The following GABRG3 variants were observed in gnomAD, a reference collection of about 807,000 sequenced individuals.
GABRG3 encodes the protein gamma-aminobutyric acid receptor subunit gamma-3.
GABRG3 carries 25 observed loss-of-function variants against 48.8 expected under a neutral mutation model. The ratio of observed to expected loss-of-function variants is 0.51; its 90% CI spans 0.37 to 0.72. The LOEUF (loss-of-function observed/expected upper bound fraction) is 0.72. Ranked by LOEUF, GABRG3 falls within the 30% of genes least tolerant of loss-of-function variation. The pLI is 0.00. For missense variants in GABRG3, 394 were observed against 577.9 expected (o/e 0.68, Z 3.26); for synonymous variants, 227 against 217.6 (o/e 1.04, Z -0.38).
rs76555223 is a variant in GABRG3, at chr15:27,218,996, C to G, written c.271-107813C>G. ...CTCTCCCTGATGACCCTGGCCATAC[C>G]GGGGTCTGGGAGGGCAAGCATTCTC... On this transcript the variant is annotated intron_variant, in intron 3 of 9. Transcript: ENST00000615808. Among the ~76,000 whole-genome samples, 8 of 152,214 alleles carry G rather than the reference C, an allele frequency of 5.3e-5. No individual in the cohort carries two copies. The East Asian group carries it at 1.4e-3, about 26-fold the overall frequency.
chr15:27,318,616 C>T (rs1187200772), intron 3 of GABRG3, among the ~76,000 whole-genome samples: 1 of 152,188 alleles, frequency 6.6e-6, no homozygotes, highest in East Asian at 1.9e-4. Flanking sequence ...GGTTTCGAAC[C>T]AGTGCATTTA....
At chr15:26,993,701 A>G (rs565404904) in intron 2 of GABRG3, among the ~76,000 whole-genome samples, 1 of 152,120 alleles carries the variant, frequency 6.6e-6, no homozygotes, top group South Asian at 2.1e-4. Flanking sequence ...TGTTCTGTGA[A>G]TATCTATCAG....
chr15:27,024,294 A>G (rs181887019), intron 2 of GABRG3, among the ~76,000 whole-genome samples: 1 of 152,266 alleles, frequency 6.6e-6, no homozygotes, highest in African/African-American at 2.4e-5. Context: ...TATGCACAGA[A>G]GTTTTAAATT....
chr15:27,378,415 G>T (rs1895666297), intron 5 of GABRG3, among the ~76,000 whole-genome samples: 1 of 152,072 alleles, frequency 6.6e-6, no homozygotes, highest in Non-Finnish European at 1.5e-5. Flanking sequence ...AGATAATCAG[G>T]ACTTTTGATA....
chr15:27,311,441 C>T (rs1423831979), intron 3 of GABRG3, among the ~76,000 whole-genome samples: 1 of 152,098 alleles, frequency 6.6e-6, no homozygotes. Flanking sequence ...TAGCCTGTCT[C>T]AGAGTGCTGA....
At chr15:26,989,481 T>G (rs2140645637) in intron 2 of GABRG3, among the ~76,000 whole-genome samples, 1 of 152,300 alleles carries the variant, frequency 6.6e-6, no homozygotes, top group Non-Finnish European at 1.5e-5. Context: ...TTTATTCAAC[T>G]TTTTTATTGT....
intron 3 of GABRG3, among the ~76,000 whole-genome samples, chr15:27,083,174 GT>G (rs1897019174): frequency 6.6e-6 from 1 of 152,152 alleles, no homozygotes; most frequent in African/African-American, 2.4e-5. Flanking sequence ...AATAGAGGCA[GT>G]TTTTATGACT....
chr15:27,442,719 G>A (rs376322826), intron 5 of GABRG3, among the ~76,000 whole-genome samples: 94 of 152,208 alleles, frequency 6.2e-4, no homozygotes, highest in African/African-American at 2.0e-3. Flanking sequence ...TTATTTTTTC[G>A]ACTTTTTCTA....
chr15:27,463,561 C>T (rs2150836707), intron 5 of GABRG3, among the ~76,000 whole-genome samples: 1 of 152,300 alleles, frequency 6.6e-6, no homozygotes, highest in East Asian at 1.9e-4. Context: ...GGCCCTAGCA[C>T]AATTTGCAAA....
intron 3 of GABRG3, among the ~76,000 whole-genome samples, chr15:27,238,130 G>A (rs1890032260): frequency 1.0e-5 from 1 of 100,048 alleles, no homozygotes; most frequent in Non-Finnish European, 2.7e-5. Context: ...GACAGCAGCG[G>A]TGGCAGATTC....
chr15:27,383,231 C>A (rs1168052522), intron 5 of GABRG3, among the ~76,000 whole-genome samples: 3 of 152,148 alleles, frequency 2.0e-5, no homozygotes, highest in African/African-American at 4.8e-5. Context: ...GAGGATAGTA[C>A]TTTAATTTTG....
At chr15:26,971,938 GC>G (rs1158935732) in intron 1 of GABRG3, among the ~76,000 whole-genome samples, 3 of 152,166 alleles carry the variant, frequency 2.0e-5, no homozygotes, top group African/African-American at 7.2e-5. Flanking sequence ...TGTTTCAGGG[GC>G]TCACACACAC....
At chr15:27,510,494 T>C (rs1351350985) in intron 6 of GABRG3, among the ~76,000 whole-genome samples, 3 of 152,194 alleles carry the variant, frequency 2.0e-5, no homozygotes, top group African/African-American at 7.2e-5. Flanking sequence ...CACAATGATG[T>C]GGACGTGGGT....
At chr15:27,454,744 G>A (rs1889212747) in intron 5 of GABRG3, among the ~76,000 whole-genome samples, 1 of 152,202 alleles carries the variant, frequency 6.6e-6, no homozygotes. Flanking sequence ...TCCTTAGCAA[G>A]TAAGTCATCC....
At position 27,430,939 on chromosome 15, in the gene GABRG3, G is replaced by A. The variant is rs1344386762; in HGVS notation, c.575-49711G>A. ...CAAGAGGCAGAGGTTGCAGTAAGCC[G>A]AGATCGCTGCACTGTGCTCCAGCCT... is the stretch of plus-strand genomic sequence containing the variant. On this transcript the variant is annotated intron_variant, in intron 5 of 9. Coordinates refer to ENST00000615808, the MANE Select transcript of GABRG3 (RefSeq NM_033223.5). 3.3e-5 allele frequency among the ~76,000 whole-genome samples: 5 copies of A among 151,800 alleles called. No homozygotes were observed. The East Asian group carries it at 5.8e-4, about 18-fold the overall frequency.
chr15:27,120,000 T>C (rs559210851), intron 3 of GABRG3, among the ~76,000 whole-genome samples: 1 of 152,356 alleles, frequency 6.6e-6, no homozygotes, highest in African/African-American at 2.4e-5. Flanking sequence ...CTTGTCATAC[T>C]CAAGAGGTGG....
At position 27,027,517 on chromosome 15, in the gene GABRG3, C is replaced by T. The variant is rs74642818; in HGVS notation, c.270+696C>T. Reference sequence around the variant, plus strand: ...CGTGAGGCCGAGGGAGGGGAATTGCCAAAATGCTGACTTAAATTTCTTCTT... The same window carrying T: ...CGTGAGGCCGAGGGAGGGGAATTGCTAAAATGCTGACTTAAATTTCTTCTT... On this transcript the variant is annotated intron_variant, in intron 3 of 9. Transcript: ENST00000615808. Among the ~76,000 whole-genome samples, 351 of 152,308 alleles carry T rather than the reference C, an allele frequency of 2.3e-3. 1 individual carries two copies. The highest frequency in any genetic ancestry group is 8.0e-3 in the African/African-American group (331 of 41,566).
At chr15:27,479,526 C>A (rs530804228) in intron 5 of GABRG3, among the ~76,000 whole-genome samples, 2 of 152,210 alleles carry the variant, frequency 1.3e-5, no homozygotes, top group Non-Finnish European at 2.9e-5. Context: ...ATGAAGAAGG[C>A]AGATTGCCTC....
rs765021902 is a variant in GABRG3, at chr15:27,520,052, A to G, written c.793A>G (p.Ile265Val). 1.9e-6 allele frequency: 3 copies of G among 1,600,642 alleles called. No individual in the cohort carries two copies. The highest frequency in any genetic ancestry group is 4.5e-5 in the East Asian group (2 of 44,698). Reference sequence around the variant, plus strand: ...CACCATTCAGACATACATTCCCTGTATACTGACTGTGGTTTTATCCTGGGT... The same window carrying G: ...CACCATTCAGACATACATTCCCTGTGTACTGACTGTGGTTTTATCCTGGGT... ...YFTIQTYIPC[I>V]LTVVLSWVSF... Residue 265 changes from isoleucine to valine, a missense_variant, in exon 7 of 10, where the codon ATA becomes GTA. Physicochemically the swap from Ile to Val is conservative, Grantham distance 29. This residue lies in a region of GABRG3 where 50 missense variants were observed against 112.5 expected (regional missense o/e 0.44). Transcript: ENST00000615808.
Sources: gnomAD v4.1 joint callset for allele counts (sites outside exome capture counted in the v4.1 genomes callset) on GRCh38, gnomAD v4.1.1 for gene constraint, gnomAD v4.1.1 regional missense constraint, MANE v1.5 for transcripts, NCBI Gene and HGNC (gene_info 2026-07-23, HGNC 2026-07-21) for gene names.